RTTN: variants seen among roughly 807,000 people sequenced by gnomAD.
The protein encoded by RTTN is rotatin.
Under a neutral mutation model 269.2 loss-of-function variants are expected in RTTN, and 182 were observed. The observed-to-expected ratio is 0.68, with a 90% CI of 0.60 to 0.76. RTTN has a LOEUF of 0.76. Among genes scored for constraint, RTTN ranks in the 30% least tolerant of loss-of-function variants. The pLI is 0.00. For synonymous variants in RTTN, 1,006 were observed against 963.5 expected, an observed-to-expected ratio of 1.04 and a Z score of -0.82; for missense variants, 2,545 against 2,608.6, an observed-to-expected ratio of 0.98 and a Z score of 0.53.
At chr18:70,052,305 C>T (rs1599289538) in intron 38 of RTTN, among the ~76,000 whole-genome samples, 1 of 152,152 alleles carries the variant, frequency 6.6e-6, no homozygotes, top group East Asian at 1.9e-4. Flanking sequence ...TACTTGAAAA[C>T]TGCACCTTCC....
chr18:70,106,063 A>C (rs1363901100), intron 28 of RTTN, among the ~76,000 whole-genome samples: 1 of 152,190 alleles, frequency 6.6e-6, no homozygotes, highest in Non-Finnish European at 1.5e-5. Context: ...AAACAAAATA[A>C]AGGTCCAGTT....
At position 70,121,574 on chromosome 18, in the gene RTTN, G is replaced by A. The variant is rs192797209; in HGVS notation, c.3510C>T (p.Leu1170=). 89 of 1,564,782 alleles carry A rather than the reference G, an allele frequency of 5.7e-5. No homozygotes were observed. The highest frequency in any genetic ancestry group is 2.3e-4 in the Middle Eastern group (1 of 4,266). ...CACTTACATGTCTAAGAAGTAATTCGAGAATCCAGTTTAGAAGTTCTAGTG... is the reference window on the plus strand; with the variant it reads ...CACTTACATGTCTAAGAAGTAATTCAAGAATCCAGTTTAGAAGTTCTAGTG... ...NSSLELLNWI[L]ELLLRHSANP... The change falls in exon 26 of 49, where the codon CTC becomes CTT. Residue 1170 remains leucine, a synonymous_variant. Transcript: ENST00000640769.
Position 70,065,775 on chromosome 18 carries a change from G to T in RTTN, c.4747+54C>A. On this transcript the variant is annotated intron_variant, in intron 35 of 48. Coordinates refer to ENST00000640769, the MANE Select transcript of RTTN (RefSeq NM_173630.4). ...CATTTACTTTCAAAATATCTGTCTG[G>T]ACCAACTTGTCATTTTTCTTTTTGA... 2.5e-6 allele frequency: 3 copies of T among 1,208,898 alleles called. No individual in the cohort carries two copies. In the South Asian group the frequency reaches 4.8e-5, roughly 19 times the overall value. The allele number at this position is 1,208,898 out of a possible 1,614,324, so 74.9% of individuals were successfully genotyped here.
intron 25 of RTTN, among the ~76,000 whole-genome samples, chr18:70,126,664 T>G (rs2059873000): frequency 6.6e-6 from 1 of 152,168 alleles, no homozygotes; most frequent in Non-Finnish European, 1.5e-5. Flanking sequence ...ATAATTTATT[T>G]AATTGTAAGT....
chr18:70,180,088 T>C (rs2061388731), intron 10 of RTTN, among the ~76,000 whole-genome samples: 1 of 152,098 alleles, frequency 6.6e-6, no homozygotes, highest in African/African-American at 2.4e-5. Flanking sequence ...CTCTTTGTCA[T>C]GGCTCATGGT....
rs2062041460 is a variant in RTTN at position 70,205,043 on chromosome 18, T to G, written c.219+85A>C. ...TTAAAAAAACTTTTAACCCCAATTA[T>G]TTAACTTTCAATAAACGCTACAATT... On this transcript the variant is annotated intron_variant, in intron 2 of 48. Coordinates refer to ENST00000640769, the MANE Select transcript of RTTN (RefSeq NM_173630.4). 4 of 1,387,104 alleles carry G rather than the reference T, an allele frequency of 2.9e-6. No individual in the cohort carries two copies. The Admixed American group carries it at 8.7e-5, about 30-fold the overall frequency. 85.9% of individuals were successfully genotyped at this position (1,387,104 alleles called of 1,614,324 possible).
chr18:70,088,238 T>C, intron 30 of RTTN, 91 bp from the exon 31 acceptor site: 1 of 1,197,728 alleles, frequency 8.3e-7, no homozygotes, highest in Non-Finnish European at 1.1e-6. Flanking sequence ...TATCACACTT[T>C]AAAAAAATCC....
intron 32 of RTTN, among the ~76,000 whole-genome samples, chr18:70,078,665 G>A (rs537769168): frequency 5.4e-4 from 82 of 152,060 alleles, no homozygotes; most frequent in African/African-American, 1.8e-3. Context: ...CCTGGAAGCC[G>A]AGATAAGAAA....
chr18:70,065,988 A>G, intron 34 of RTTN, 66 bp from the exon 35 acceptor site: 2 of 1,107,446 alleles, frequency 1.8e-6, no homozygotes, highest in Non-Finnish European at 2.6e-6. Flanking sequence ...CAGGCAACAT[A>G]CACACAAGAT....
chr18:70,204,947 T>A (rs962132918), intron 2 of RTTN, among the ~76,000 whole-genome samples, 181 bp downstream of exon 2: 9 of 152,222 alleles, frequency 5.9e-5, no homozygotes, highest in Admixed American at 3.3e-4. Flanking sequence ...AGAGACCATG[T>A]GGGATTCAGT....
At chr18:70,077,717 CATA>C (rs1011839933) in intron 32 of RTTN, among the ~76,000 whole-genome samples, 62 of 151,742 alleles carry the variant, frequency 4.1e-4, no homozygotes, top group African/African-American at 1.4e-3. Flanking sequence ...GTAAGAAAGT[CATA>C]ATAAGAGACA....
In RTTN at chr18:70,079,385, A is replaced by C. The variant is rs879305123; in HGVS notation, c.4375-3844T>G. ...GCCTGAATCCCCATTCTCTACACTT[A>C]TTAAGAGAGCTTTATAATGGAGCCA... On this transcript the variant is annotated intron_variant, in intron 32 of 48. Coordinates refer to ENST00000640769, the MANE Select transcript of RTTN (RefSeq NM_173630.4). Among the ~76,000 whole-genome samples the C allele has an allele frequency of 2.2e-4, 34 of 152,118 alleles. 1 individual carries two copies. The highest frequency in any genetic ancestry group is 3.9e-4 in the Admixed American group (6 of 15,260).
intron 43 of RTTN, among the ~76,000 whole-genome samples, chr18:70,025,645 C>A (rs2056832812): frequency 6.6e-6 from 1 of 152,212 alleles, no homozygotes; most frequent in Non-Finnish European, 1.5e-5. Flanking sequence ...CCTTGTTCAC[C>A]ACTCTCTGTG....
chr18:70,194,863 GAT>G (rs1244551781), intron 7 of RTTN: 9 of 152,196 alleles, frequency 5.9e-5, no homozygotes, highest in Admixed American at 5.9e-4. Flanking sequence ...TTTAGAAACA[GAT>G]AGTGGTGATG....
At chr18:70,058,846 G>C (rs929907613) in intron 36 of RTTN, among the ~76,000 whole-genome samples, 1 of 152,146 alleles carries the variant, frequency 6.6e-6, no homozygotes, top group Admixed American at 6.5e-5. Flanking sequence ...ATACTCCATT[G>C]CGTATCATAC....
At chr18:70,145,372 G>T (rs2060361892) in intron 18 of RTTN, among the ~76,000 whole-genome samples, 1 of 151,980 alleles carries the variant, frequency 6.6e-6, no homozygotes, top group South Asian at 2.1e-4. Flanking sequence ...CTCCTGCCCT[G>T]ATCCATGGAA....
intron 40 of RTTN, among the ~76,000 whole-genome samples, chr18:70,044,106 CT>C (rs1161588859): frequency 6.6e-6 from 1 of 152,192 alleles, no homozygotes; most frequent in Non-Finnish European, 1.5e-5. Flanking sequence ...TAGGTCAAGA[CT>C]TTCTTGCTTT....
At chr18:70,120,415 C>T (rs1482532542) in intron 26 of RTTN, among the ~76,000 whole-genome samples, 1 of 152,102 alleles carries the variant, frequency 6.6e-6, no homozygotes, top group African/African-American at 2.4e-5. Context: ...TACACACAAA[C>T]ATTCATATCA....
chr18:70,093,617 T>C (rs1039781575), intron 28 of RTTN, among the ~76,000 whole-genome samples: 1 of 152,250 alleles, frequency 6.6e-6, no homozygotes, highest in South Asian at 2.1e-4. Context: ...TTGATTTGCA[T>C]ATGTTGAACG....
Sources: allele counts gnomAD v4.1 joint callset (sites outside exome capture counted in the v4.1 genomes callset), GRCh38; gene constraint gnomAD v4.1.1; transcripts MANE v1.5; gene names NCBI Gene and HGNC (gene_info 2026-07-23, HGNC 2026-07-21).